The following RIMS1 variants were observed in gnomAD, a reference collection of about 807,000 sequenced individuals.
The protein encoded by RIMS1 is regulating synaptic membrane exocytosis protein 1.
A neutral mutation model predicts 214.1 loss-of-function variants in RIMS1; 83 were observed. That is an observed-to-expected ratio of 0.39 (90% CI 0.32 to 0.47). RIMS1 has a LOEUF of 0.47. Among genes scored for constraint, RIMS1 ranks in the 20% least tolerant of loss-of-function variants. The pLI is 0.99. For missense variants in RIMS1, 2,050 were observed against 2,161.8 expected (o/e 0.95, Z 1.03); for synonymous variants, 793 against 786.8 (o/e 1.01, Z -0.13).
intron 6 of RIMS1, among the ~76,000 whole-genome samples, chr6:72,225,369 A>G (rs889614523): frequency 2.0e-5 from 3 of 152,208 alleles, no homozygotes; most frequent in Non-Finnish European, 4.4e-5. Context: ...AAAAGCATGT[A>G]TCCATCTTTA....
intron 4 of RIMS1, among the ~76,000 whole-genome samples, chr6:72,126,149 G>A (rs1307792979): frequency 1.6e-5 from 2 of 125,020 alleles, no homozygotes; most frequent in Non-Finnish European, 3.3e-5. Flanking sequence ...CTTTAATAAA[G>A]CATACAAGAA....
chr6:71,969,047 C>A lies in RIMS1; in HGVS notation c.229C>A (p.Pro77Thr), dbSNP rs926873828. 10 of 1,613,864 alleles carry A rather than the reference C, an allele frequency of 6.2e-6. No individual in the cohort carries two copies. The highest frequency in any genetic ancestry group is 7.6e-6 in the Non-Finnish European group (9 of 1,179,854). ...AACACCAAGAAATGCTGAAAACCAG[C>A]CCCACCAACCTTCACCGTGAGTATG... Reference protein sequence around the residue: ...CKTPRNAENQPHQPSPRLHQQ... With the variant: ...CKTPRNAENQTHQPSPRLHQQ... The change falls in exon 2 of 34, where the codon CCC becomes ACC. Residue 77 changes from proline (P) to threonine (T), a missense_variant. This residue lies in a region of RIMS1 where 882 missense variants were observed against 828.9 expected (regional missense o/e 1.06). Coordinates refer to ENST00000521978, the MANE Select transcript of RIMS1 (RefSeq NM_014989.7).
intron 4 of RIMS1, among the ~76,000 whole-genome samples, chr6:72,102,469 G>A (rs2033830175): frequency 6.6e-6 from 1 of 151,870 alleles, no homozygotes; most frequent in African/African-American, 2.4e-5. Context: ...TTATATCAAA[G>A]TAATAACAAG....
At chr6:72,375,930 G>C (rs766943798) in intron 29 of RIMS1, among the ~76,000 whole-genome samples, 2 of 152,116 alleles carry the variant, frequency 1.3e-5, no homozygotes, top group Non-Finnish European at 2.9e-5. Context: ...AGTTAGCAGT[G>C]GTAAATATCT....
At chr6:72,099,949 C>T in intron 3 of RIMS1, 26 bp from the exon 4 acceptor site, 1 of 1,596,766 alleles carries the variant, frequency 6.3e-7, no homozygotes, top group Non-Finnish European at 8.6e-7. Context: ...TTTCTCTACT[C>T]TGCTTCCTTG....
intron 2 of RIMS1, among the ~76,000 whole-genome samples, chr6:72,043,606 G>T (rs1303589078): frequency 2.7e-5 from 4 of 146,720 alleles, no homozygotes; most frequent in African/African-American, 7.6e-5. Context: ...GTTCCTTTGA[G>T]AACATTAATT....
chr6:71,892,908 G>A (rs961475137), intron 1 of RIMS1, among the ~76,000 whole-genome samples: 1 of 152,006 alleles, frequency 6.6e-6, no homozygotes, highest in Non-Finnish European at 1.5e-5. Flanking sequence ...ACTAGATTCT[G>A]GTCTTAACAT....
chr6:72,122,207 CTTT>C (rs34948011), intron 4 of RIMS1, among the ~76,000 whole-genome samples: 1 of 136,330 alleles, frequency 7.3e-6, no homozygotes. Flanking sequence ...TTCCTTTTTT[CTTT>C]TTTTTTTTTT....
At chr6:72,191,513 C>T (rs567615665) in intron 6 of RIMS1, among the ~76,000 whole-genome samples, 1 of 152,306 alleles carries the variant, frequency 6.6e-6, no homozygotes, top group South Asian at 2.1e-4. Flanking sequence ...CAGTGTGATA[C>T]CTTGTAGAAG....
At chr6:72,067,907 C>T (rs2152285038) in intron 2 of RIMS1, among the ~76,000 whole-genome samples, 1 of 152,196 alleles carries the variant, frequency 6.6e-6, no homozygotes, top group Non-Finnish European at 1.5e-5. Flanking sequence ...TATGTGAGGG[C>T]AATGTTTCCA....
intron 4 of RIMS1, among the ~76,000 whole-genome samples, chr6:72,102,115 T>C (rs1445152154): frequency 6.6e-6 from 1 of 151,968 alleles, no homozygotes; most frequent in African/African-American, 2.4e-5. Context: ...TGGCAGAGGA[T>C]TGAATTTAGA....
intron 2 of RIMS1, among the ~76,000 whole-genome samples, chr6:72,010,991 A>T (rs922874997): frequency 2.6e-5 from 4 of 152,228 alleles, no homozygotes; most frequent in South Asian, 4.1e-4. Context: ...TAAAGTTCAT[A>T]TGGAACCAAA....
chr6:72,266,376 T>A (rs2080536951), intron 22 of RIMS1: 2 of 372,470 alleles, frequency 5.4e-6, no homozygotes, highest in Non-Finnish European at 1.0e-5. Context: ...ATGCTGATAA[T>A]GTTATAAGGT....
intron 29 of RIMS1, among the ~76,000 whole-genome samples, chr6:72,378,817 C>T (rs777185886): frequency 2.6e-5 from 4 of 151,918 alleles, no homozygotes; most frequent in South Asian, 2.1e-4. Flanking sequence ...CCAGCCTGGG[C>T]GACAGAGTGA....
chr6:72,144,757 T>TAC (rs1040430305), intron 4 of RIMS1, among the ~76,000 whole-genome samples: 4 of 152,198 alleles, frequency 2.6e-5, no homozygotes, highest in Non-Finnish European at 4.4e-5. Flanking sequence ...TCTTTTGAGC[T>TAC]ACAGCTGGAG....
chr6:72,098,305 C>CTTT (rs1452040311), intron 3 of RIMS1, among the ~76,000 whole-genome samples: 5 of 111,240 alleles, frequency 4.5e-5, no homozygotes, highest in African/African-American at 1.7e-4. Context: ...TTTTTTTTTT[C>CTTT]TTTTTTTTCT....
chr6:71,968,967 C>T lies in RIMS1; in HGVS notation c.165-16C>T, dbSNP rs1561992934. ...TATAATTAATAGTGCGTTGTGCTGT[C>T]TATCATGCGCCCCAGGTGTGTTGTC... On this transcript the variant is annotated splice_polypyrimidine_tract_variant and intron_variant, in intron 1 of 33. Transcript: ENST00000521978. The T allele has an allele frequency of 6.2e-7, 1 of 1,611,518 alleles. No homozygotes were observed. Among genetic ancestry groups the T allele is most frequent in the Non-Finnish European group, 8.5e-7 (1 of 1,177,600 alleles).
chr6:71,938,396 T>C (rs1049149902), intron 1 of RIMS1, among the ~76,000 whole-genome samples: 3 of 152,224 alleles, frequency 2.0e-5, no homozygotes, highest in African/African-American at 7.2e-5. Context: ...TAGTAGGGGC[T>C]CTCTGTCATG....
intron 29 of RIMS1, among the ~76,000 whole-genome samples, chr6:72,343,641 C>T (rs1047308290): frequency 1.6e-4 from 24 of 150,052 alleles, no homozygotes; most frequent in African/African-American, 4.9e-4. Context: ...CTCTAAATGG[C>T]TTTTTATTTT....
Sources: allele counts gnomAD v4.1 joint callset (sites outside exome capture counted in the v4.1 genomes callset), GRCh38; gene constraint gnomAD v4.1.1; regional missense constraint gnomAD v4.1.1; transcripts MANE v1.5; gene names NCBI Gene and HGNC (gene_info 2026-07-23, HGNC 2026-07-21).